The following TMCC1 variants were observed in gnomAD, a reference collection of about 807,000 sequenced individuals.
TMCC1 encodes transmembrane and coiled-coil domain family 1.
TMCC1 carries 15 observed loss-of-function variants against 52.4 expected under a neutral mutation model. The observed-to-expected ratio is 0.29, with a 90% CI of 0.19 to 0.44. The LOEUF is 0.44. Ranked by LOEUF, TMCC1 falls within the 20% of genes least tolerant of loss-of-function variation. The pLI is 1.00. For missense variants in TMCC1, 503 were observed against 806.0 expected (o/e 0.62, Z 4.55); for synonymous variants, 279 against 301.9 (o/e 0.92, Z 0.79).
intron 4 of TMCC1, among the ~76,000 whole-genome samples, chr3:129,784,424 G>A (rs111428405): frequency 0.09 from 13,684 of 151,902 alleles, 705 homozygotes; most frequent in Middle Eastern, 0.16. Flanking sequence ...AAATTAGCCC[G>A]GTGCAGTGGC....
At chr3:129,711,235 A>T (rs551427932) in intron 4 of TMCC1, among the ~76,000 whole-genome samples, 2 of 152,346 alleles carry the variant, frequency 1.3e-5, no homozygotes, top group African/African-American at 4.8e-5. Flanking sequence ...TTGCCGCTTA[A>T]TAAGCATTCA....
intron 4 of TMCC1, among the ~76,000 whole-genome samples, chr3:129,825,110 C>T (rs2107827002): frequency 1.3e-5 from 2 of 152,308 alleles, no homozygotes; most frequent in South Asian, 4.1e-4. Flanking sequence ...CTTCCACCTA[C>T]CAATCCTCAC....
chr3:129,750,974 C>T (rs1183982666), intron 4 of TMCC1, among the ~76,000 whole-genome samples: 2 of 151,700 alleles, frequency 1.3e-5, no homozygotes, highest in Admixed American at 6.6e-5. Flanking sequence ...CCGAGGCAGG[C>T]AGATCGCTTG....
intron 4 of TMCC1, among the ~76,000 whole-genome samples, chr3:129,763,845 TAAACAAAAC>T (rs2053860548): frequency 6.8e-6 from 1 of 147,356 alleles, no homozygotes; most frequent in African/African-American, 2.5e-5. Context: ...AATAAATAAA[TAAACAAAAC>T]AAAATACCTG....
chr3:129,808,322 A>T (rs2057585471), intron 4 of TMCC1, among the ~76,000 whole-genome samples: 1 of 152,134 alleles, frequency 6.6e-6, no homozygotes, highest in East Asian at 1.9e-4. Context: ...GTCTCCACTA[A>T]AAATGCAAAA....
At chr3:129,700,989 C>T (rs1268817161) in intron 4 of TMCC1, among the ~76,000 whole-genome samples, 1 of 152,132 alleles carries the variant, frequency 6.6e-6, no homozygotes, top group Non-Finnish European at 1.5e-5. Context: ...TATGACTTTA[C>T]TTTCTGGATA....
intron 4 of TMCC1, among the ~76,000 whole-genome samples, chr3:129,735,547 G>A (rs1251038648): frequency 1.3e-5 from 2 of 151,796 alleles, no homozygotes; most frequent in Admixed American, 6.6e-5. Context: ...TACTTGGGAG[G>A]CTGAGGCGGG....
intron 4 of TMCC1, among the ~76,000 whole-genome samples, chr3:129,756,664 T>TG (rs148559065): frequency 0.086 from 13,134 of 152,256 alleles, 746 homozygotes; most frequent in East Asian, 0.18. Context: ...CCCAAAGTGC[T>TG]GGGATTACAG....
At chr3:129,805,066 C>A (rs927815075) in intron 4 of TMCC1, among the ~76,000 whole-genome samples, 4 of 152,158 alleles carry the variant, frequency 2.6e-5, no homozygotes, top group African/African-American at 9.7e-5. Flanking sequence ...ATGCTAAAAA[C>A]CAGGCTGGAG....
At chr3:129,735,347 T>G (rs1399404424) in intron 4 of TMCC1, among the ~76,000 whole-genome samples, 2 of 152,096 alleles carry the variant, frequency 1.3e-5, no homozygotes, top group Admixed American at 1.3e-4. Flanking sequence ...AAAGTGTGTT[T>G]AAGCAAGCTA....
chr3:129,805,250 C>T (rs745765477), intron 4 of TMCC1, among the ~76,000 whole-genome samples: 5 of 152,118 alleles, frequency 3.3e-5, no homozygotes, highest in Non-Finnish European at 7.3e-5. Context: ...GCAGCCTCAA[C>T]CTCCTGGGCT....
At chr3:129,870,437 A>T (rs370518707) in intron 2 of TMCC1, among the ~76,000 whole-genome samples, 1 of 151,966 alleles carries the variant, frequency 6.6e-6, no homozygotes, top group Admixed American at 6.6e-5. Flanking sequence ...GTTTTTCATT[A>T]GATATGGTGG....
chr3:129,705,649 AGGCTGTGCAGT>A (rs2108983476), intron 4 of TMCC1, among the ~76,000 whole-genome samples: 1 of 143,356 alleles, frequency 7.0e-6, no homozygotes, highest in South Asian at 2.2e-4. Context: ...TCCGTCACCC[AGGCTGTGCAGT>A]GGCGCCATCT....
intron 4 of TMCC1, among the ~76,000 whole-genome samples, chr3:129,716,833 T>C (rs1372525151): frequency 6.6e-6 from 1 of 152,186 alleles, no homozygotes; most frequent in Non-Finnish European, 1.5e-5. Context: ...GCAGGAGGCC[T>C]GTATTTCTTC....
rs759675425 is a variant in TMCC1 at position 129,671,073 on chromosome 3, G to A, written c.768C>T (p.Asp256=). ...GCTTCAAGTATTCAGCAACGTTGTC[G>A]TCCCGGGCTGTTTGTGCAATCTTGA... is the stretch of plus-strand genomic sequence containing the variant. ...EQIKIAQTAR[D]DNVAEYLKLA... The change falls in exon 5 of 7, where the codon GAC becomes GAT. Residue 256 remains aspartate (D), a synonymous_variant. Transcript: ENST00000393238. 9.9e-6 allele frequency: 16 copies of A among 1,614,024 alleles called. No individual in the cohort carries two copies. The highest frequency in any genetic ancestry group is 6.7e-5 in the Admixed American group (4 of 59,994).
intron 4 of TMCC1, among the ~76,000 whole-genome samples, chr3:129,677,460 T>C (rs1398549214): frequency 2.0e-5 from 3 of 152,182 alleles, no homozygotes; most frequent in Admixed American, 6.6e-5. Context: ...AAAATACATA[T>C]AATATTCATG....
intron 2 of TMCC1, among the ~76,000 whole-genome samples, chr3:129,851,643 G>A (rs1471841280): frequency 6.6e-6 from 1 of 152,200 alleles, no homozygotes; most frequent in Non-Finnish European, 1.5e-5. Flanking sequence ...TGATGGGAAT[G>A]TAAAATGGTA....
chr3:129,723,485 T>C (rs2049815196), intron 4 of TMCC1, among the ~76,000 whole-genome samples: 1 of 151,480 alleles, frequency 6.6e-6, no homozygotes, highest in African/African-American at 2.4e-5. Flanking sequence ...TCTTCGAATT[T>C]AACCCATGTT....
intron 4 of TMCC1, among the ~76,000 whole-genome samples, chr3:129,702,976 G>A (rs557063922): frequency 2.0e-5 from 3 of 152,248 alleles, no homozygotes; most frequent in South Asian, 2.1e-4. Context: ...AGATTGCATC[G>A]CTGCACTCCA....
Sources: gnomAD v4.1 joint callset for allele counts (sites outside exome capture counted in the v4.1 genomes callset) on GRCh38, gnomAD v4.1.1 for gene constraint, MANE v1.5 for transcripts, NCBI Gene and HGNC (gene_info 2026-07-23, HGNC 2026-07-21) for gene names.